AGK: variants seen among roughly 807,000 people sequenced by gnomAD.
The protein encoded by AGK is acylglycerol kinase, mitochondrial.
In AGK, 52 loss-of-function variants were observed where a neutral mutation model predicts 66.4. The observed-to-expected ratio is 0.78, with a 90% CI of 0.63 to 0.99. AGK has a LOEUF of 0.99. AGK is among the 50% of genes least tolerant of loss of function. The probability of loss-of-function intolerance (pLI) is 0.00; values close to 1 mark genes in which losing one functional copy is unlikely to be tolerated. For synonymous variants in AGK, 182 were observed against 181.1 expected (o/e 1.00, Z -0.04); for missense variants, 451 against 506.6 (o/e 0.89, Z 1.05).
intron 9 of AGK, among the ~76,000 whole-genome samples, chr7:141,633,380 G>C (rs556026540): frequency 6.6e-6 from 1 of 152,154 alleles, no homozygotes; most frequent in South Asian, 2.1e-4. Flanking sequence ...TGCAGTATTT[G>C]GCCATAAAGC....
chr7:141,571,752 A>T (rs1458660900), intron 2 of AGK, among the ~76,000 whole-genome samples: 1 of 152,208 alleles, frequency 6.6e-6, no homozygotes, highest in African/African-American at 2.4e-5. Context: ...AACCCTGGAT[A>T]GTTACTTAAC....
At position 141,614,133 on chromosome 7, in the gene AGK, A is replaced by T. The variant is rs752545115; in HGVS notation, c.391-13A>T. On this transcript the variant is annotated splice_polypyrimidine_tract_variant and intron_variant, in intron 6 of 15. Transcript: ENST00000649286. ...ATATTATTTATAACAATGTTTTATT[A>T]TTACATTTGTAGGTTGTTACTGGTG... 10 of 1,512,168 alleles carry T rather than the reference A, an allele frequency of 6.6e-6. No individual in the cohort carries two copies. The highest frequency in any genetic ancestry group is 9.1e-6 in the Non-Finnish European group (10 of 1,103,438). 93.7% of individuals were successfully genotyped at this position (1,512,168 alleles called of 1,614,324 possible).
chr7:141,581,803 T>C (rs895984753), intron 2 of AGK, among the ~76,000 whole-genome samples: 2 of 151,750 alleles, frequency 1.3e-5, no homozygotes, highest in Non-Finnish European at 2.9e-5. Flanking sequence ...CTAGACCTAA[T>C]AAGGGAGCTG....
At chr7:141,585,677 T>C (rs1182140134) in intron 2 of AGK, among the ~76,000 whole-genome samples, 1 of 152,204 alleles carries the variant, frequency 6.6e-6, no homozygotes, top group Non-Finnish European at 1.5e-5. Context: ...TAACAACTTG[T>C]CTTATTTTAC....
intron 9 of AGK, among the ~76,000 whole-genome samples, chr7:141,624,322 CTT>C (rs1796889657): frequency 2.0e-5 from 3 of 152,206 alleles, no homozygotes; most frequent in East Asian, 3.9e-4. Flanking sequence ...TACAAAAAAA[CTT>C]TGTAAAAAAA....
At chr7:141,622,391 T>C (rs1796846379) in intron 9 of AGK, among the ~76,000 whole-genome samples, 2 of 152,244 alleles carry the variant, frequency 1.3e-5, no homozygotes, top group Admixed American at 1.3e-4. Flanking sequence ...TGAACGTCTG[T>C]GGCAACCCTG....
chr7:141,651,786 A>G (rs1005237929), intron 15 of AGK, among the ~76,000 whole-genome samples, 177 bp downstream of exon 15: 12 of 152,210 alleles, frequency 7.9e-5, no homozygotes, highest in Admixed American at 2.6e-4. Context: ...GGATGGCAGA[A>G]TCTCCTTGGG....
At chr7:141,558,586 C>G (rs1795267462) in intron 2 of AGK, among the ~76,000 whole-genome samples, 1 of 152,082 alleles carries the variant, frequency 6.6e-6, no homozygotes, top group African/African-American at 2.4e-5. Flanking sequence ...CTATAATTAA[C>G]TTGAGTGTAC....
intron 1 of AGK, among the ~76,000 whole-genome samples, chr7:141,554,944 C>T (rs1795175304): frequency 6.6e-6 from 1 of 152,162 alleles, no homozygotes; most frequent in Non-Finnish European, 1.5e-5. Context: ...ATTGAGTTTT[C>T]TATCCATGTT....
intron 13 of AGK, among the ~76,000 whole-genome samples, chr7:141,642,786 C>T (rs537068863): frequency 3.9e-5 from 6 of 152,316 alleles, no homozygotes; most frequent in African/African-American, 1.4e-4. Flanking sequence ...CAGCCATATT[C>T]ATTCACAAAT....
At chr7:141,626,981 G>A (rs1210357812) in intron 9 of AGK, among the ~76,000 whole-genome samples, 1 of 152,204 alleles carries the variant, frequency 6.6e-6, no homozygotes, top group Non-Finnish European at 1.5e-5. Flanking sequence ...ACAGGGTCAT[G>A]AAGTCTGCAA....
At chr7:141,610,994 G>A (rs1160739259) in intron 5 of AGK, among the ~76,000 whole-genome samples, 1 of 152,192 alleles carries the variant, frequency 6.6e-6, no homozygotes, top group Non-Finnish European at 1.5e-5. Context: ...TGGTTTCTGA[G>A]GTCCCTCTGG....
intron 2 of AGK, among the ~76,000 whole-genome samples, chr7:141,564,441 C>G (rs1459276582): frequency 6.6e-6 from 1 of 151,880 alleles, no homozygotes; most frequent in African/African-American, 2.4e-5. Context: ...AGGAAAGCCC[C>G]TTTAAAAAAA....
intron 10 of AGK, among the ~76,000 whole-genome samples, chr7:141,635,538 T>C (rs1797152219): frequency 6.6e-6 from 1 of 152,216 alleles, no homozygotes; most frequent in African/African-American, 2.4e-5. Context: ...TGAATAATAA[T>C]TTAGAATGTT....
chr7:141,575,982 C>T (rs1354277987), intron 2 of AGK, among the ~76,000 whole-genome samples: 1 of 152,112 alleles, frequency 6.6e-6, no homozygotes, highest in Non-Finnish European at 1.5e-5. Flanking sequence ...CTGAATTAAA[C>T]AATGAACTTG....
intron 14 of AGK, 31 bp downstream of exon 14, chr7:141,649,364 G>C: frequency 9.8e-6 from 15 of 1,528,714 alleles, no homozygotes; most frequent in Non-Finnish European, 1.4e-5. Flanking sequence ...AGGAAATGAG[G>C]CTTGTGATTT....
chr7:141,591,547 A>G (rs1796119946), intron 2 of AGK, among the ~76,000 whole-genome samples: 1 of 152,166 alleles, frequency 6.6e-6, no homozygotes, highest in African/African-American at 2.4e-5. Flanking sequence ...ACTCTGGCAA[A>G]AAGCAAAGCT....
chr7:141,586,724 G>C lies in AGK; in HGVS notation c.102-6422G>C, dbSNP rs1307345405. On this transcript the variant is annotated intron_variant, in intron 2 of 15. Transcript: ENST00000649286. ...TCTCTTAAGAACAGCAAAACATGCA[G>C]TTTGCCAAGAGCAGAAGCAGCATCA... Among the ~76,000 whole-genome samples, 3 of 152,150 alleles carry C rather than the reference G, an allele frequency of 2.0e-5. No individual in the cohort carries two copies. In the East Asian group the frequency reaches 5.8e-4, roughly 29 times the overall value.
intron 2 of AGK, among the ~76,000 whole-genome samples, chr7:141,576,904 G>A (rs889892229): frequency 2.0e-5 from 3 of 152,010 alleles, no homozygotes; most frequent in Non-Finnish European, 1.5e-5. Flanking sequence ...GCTGGGTGTG[G>A]TGGCGGGCAC....
Sources: allele counts gnomAD v4.1 joint callset (sites outside exome capture counted in the v4.1 genomes callset), GRCh38; gene constraint gnomAD v4.1.1; transcripts MANE v1.5; gene names NCBI Gene and HGNC (gene_info 2026-07-23, HGNC 2026-07-21).